Variants in PPP2R2B observed in about 807,000 individuals in gnomAD.
PPP2R2B encodes protein phosphatase 2 regulatory subunit Bbeta, also known as serine/threonine-protein phosphatase 2A 55 kDa regulatory subunit B beta isoform.
PPP2R2B carries 5 observed loss-of-function variants against 46.0 expected under a neutral mutation model. The ratio of observed to expected loss-of-function variants is 0.11; its 90% CI spans 0.06 to 0.23. The LOEUF is 0.23. Among genes scored for constraint, PPP2R2B ranks in the 10% least tolerant of loss-of-function variants. The probability of loss-of-function intolerance (pLI) is 1.00; values close to 1 mark genes in which losing one functional copy is unlikely to be tolerated. For missense variants in PPP2R2B, 367 were observed against 575.0 expected (o/e 0.64, Z 3.70); for synonymous variants, 215 against 206.7 (o/e 1.04, Z -0.34).
intron 1 of PPP2R2B, among the ~76,000 whole-genome samples, chr5:146,932,481 C>T (rs1159735319): frequency 6.6e-6 from 1 of 152,096 alleles, no homozygotes; most frequent in African/African-American, 2.4e-5. Context: ...GGAGCTTTTC[C>T]CCTTTTTGCT....
intron 1 of PPP2R2B, among the ~76,000 whole-genome samples, chr5:147,021,852 G>A (rs1481380863): frequency 6.6e-6 from 1 of 152,120 alleles, no homozygotes; most frequent in Non-Finnish European, 1.5e-5. Context: ...GTCAATAGAA[G>A]CAAACTCTAA....
chr5:146,941,390 C>A (rs527412582), intron 1 of PPP2R2B, among the ~76,000 whole-genome samples: 9 of 152,176 alleles, frequency 5.9e-5, no homozygotes, highest in Middle Eastern at 6.8e-3. Context: ...TATGACAAAC[C>A]GGCCTGAAAT....
At chr5:147,043,399 C>T (rs150916725) in intron 1 of PPP2R2B, among the ~76,000 whole-genome samples, 28 of 152,038 alleles carry the variant, frequency 1.8e-4, no homozygotes, top group Non-Finnish European at 3.4e-4. Flanking sequence ...AGAAGAGAAA[C>T]GCAGAGAAAA....
At chr5:146,751,240 A>AT (rs1163884236) in intron 2 of PPP2R2B, 5 of 152,390 alleles carry the variant, frequency 3.3e-5, no homozygotes, top group Middle Eastern at 3.4e-3. Context: ...CATTGATAGG[A>AT]TTAAATAACA....
At position 146,587,243 on chromosome 5, in the gene PPP2R2B, T is replaced by C. The variant is rs1313196354; in HGVS notation, c.*2704A>G. 1 of 152,208 alleles carries C rather than the reference T, an allele frequency of 6.6e-6. No homozygotes were observed. The highest frequency in any genetic ancestry group is 1.9e-4 in the East Asian group (1 of 5,192). 9.4% of individuals were successfully genotyped at this position (152,208 alleles called of 1,614,324 possible). A position where few individuals can be genotyped will look rare whatever the true frequency, so the allele number is the denominator to read the frequency against. On this transcript the variant is annotated 3_prime_UTR_variant, in exon 10 of 10. Transcript: ENST00000394411. Reference sequence around the variant, plus strand: ...GTAAAATACCTAGTTCAGTACCTGGTAAAGAACAGTTAATTTGTGAAACAT... The same window carrying C: ...GTAAAATACCTAGTTCAGTACCTGGCAAAGAACAGTTAATTTGTGAAACAT...
At chr5:146,658,923 T>C (rs188871239) in intron 5 of PPP2R2B, among the ~76,000 whole-genome samples, 3 of 152,348 alleles carry the variant, frequency 2.0e-5, no homozygotes, top group Middle Eastern at 3.4e-3. Context: ...TTTTGATGTA[T>C]TGTGTTCTAT....
In PPP2R2B at chr5:146,878,404, C is replaced by A. The variant is rs1419912283; in HGVS notation, c.-125+187G>T. 7.0e-7 allele frequency: 1 copy of A among 1,422,798 alleles called. No homozygotes were observed. Among genetic ancestry groups the A allele is most frequent in the East Asian group, 2.5e-5 (1 of 39,300 alleles). 88.1% of individuals were successfully genotyped at this position (1,422,798 alleles called of 1,614,324 possible). A position where few individuals can be genotyped will look rare whatever the true frequency, so the allele number is the denominator to read the frequency against. On this transcript the variant is annotated intron_variant, in intron 1 of 9. Coordinates refer to ENST00000394411, the MANE Select transcript of PPP2R2B (RefSeq NM_181675.4). This position sits in a 1 kb window ranked among gnomAD's most constrained non-coding sequence, Gnocchi z 4.5. The stretch of plus-strand genomic sequence containing the variant: ...GTGCCCCGAGGGGTCTGGTCCCGCC[C>A]GCCCGCCCCGGAGGCGCTCACAAGC...
intron 1 of PPP2R2B, among the ~76,000 whole-genome samples, chr5:147,018,004 A>G (rs1755085233): frequency 6.6e-6 from 1 of 151,450 alleles, no homozygotes; most frequent in Non-Finnish European, 1.5e-5. Flanking sequence ...TTCCAGGCCC[A>G]GATGAATTAT....
At chr5:147,015,247 G>A (rs1046089546) in intron 1 of PPP2R2B, among the ~76,000 whole-genome samples, 10 of 151,556 alleles carry the variant, frequency 6.6e-5, no homozygotes, top group South Asian at 4.2e-4. Context: ...GACCACATTC[G>A]TCTCATATCA....
At chr5:146,782,577 T>A (rs1006192803) in intron 2 of PPP2R2B, among the ~76,000 whole-genome samples, 1 of 152,222 alleles carries the variant, frequency 6.6e-6, no homozygotes, top group African/African-American at 2.4e-5. Flanking sequence ...TCTTGATTTT[T>A]AATTCTTGCA....
At chr5:146,928,850 A>G (rs1404953014) in intron 1 of PPP2R2B, among the ~76,000 whole-genome samples, 2 of 152,178 alleles carry the variant, frequency 1.3e-5, no homozygotes, top group African/African-American at 4.8e-5. Flanking sequence ...AATACTCTTC[A>G]TAGTCTGTCT....
At chr5:147,055,693 G>A in exon 1 of PPP2R2B, 1 of 1,612,642 alleles carries the variant, frequency 6.2e-7, no homozygotes, top group Non-Finnish European at 8.5e-7. Context: ...AAGAAAGGAT[G>A]GTGTTCGGAG....
At chr5:146,745,156 A>AAGAC (rs1234448374) in intron 2 of PPP2R2B, among the ~76,000 whole-genome samples, 6 of 106,118 alleles carry the variant, frequency 5.7e-5, no homozygotes, top group African/African-American at 1.8e-4. Flanking sequence ...CGTGCAGAGA[A>AAGAC]AGACAGAGAG....
chr5:146,627,608 T>C (rs1418357996), intron 7 of PPP2R2B, among the ~76,000 whole-genome samples: 1 of 152,222 alleles, frequency 6.6e-6, no homozygotes, highest in African/African-American at 2.4e-5. Context: ...TCATGCTCTT[T>C]ATCCTGTCAG....
intron 2 of PPP2R2B, among the ~76,000 whole-genome samples, chr5:146,809,851 G>C (rs1363505906): frequency 6.6e-6 from 1 of 152,188 alleles, no homozygotes; most frequent in African/African-American, 2.4e-5. Flanking sequence ...AGACCCGGTA[G>C]GGGCTCTGTC....
At chr5:147,003,300 A>C (rs1754275263) in intron 1 of PPP2R2B, among the ~76,000 whole-genome samples, 1 of 151,970 alleles carries the variant, frequency 6.6e-6, no homozygotes, top group Non-Finnish European at 1.5e-5. Context: ...AAATTTCCAA[A>C]GGACCAAAAA....
chr5:146,867,175 T>A (rs1761360197), intron 2 of PPP2R2B, among the ~76,000 whole-genome samples: 1 of 152,162 alleles, frequency 6.6e-6, no homozygotes, highest in South Asian at 2.1e-4. Flanking sequence ...GTAGGAGATA[T>A]AAAAATTGGG....
chr5:147,067,272 T>A (rs1757441591), intron 2 of PPP2R2B, among the ~76,000 whole-genome samples: 1 of 152,164 alleles, frequency 6.6e-6, no homozygotes, highest in East Asian at 1.9e-4. Context: ...TCTCTTGAAT[T>A]TATTCCTCCT....
At chr5:146,998,930 C>T (rs569925411) in intron 1 of PPP2R2B, among the ~76,000 whole-genome samples, 27 of 141,304 alleles carry the variant, frequency 1.9e-4, no homozygotes, top group Non-Finnish European at 9.0e-5. Context: ...AGTGTCAGAG[C>T]GGGAACCCGG....
Sources: gnomAD v4.1 joint callset for allele counts (sites outside exome capture counted in the v4.1 genomes callset) on GRCh38, gnomAD v4.1.1 for gene constraint, Gnocchi (gnomAD v3.1) non-coding constraint, MANE v1.5 for transcripts, NCBI Gene and HGNC (gene_info 2026-07-23, HGNC 2026-07-21) for gene names.